The following CCDC171 variants were observed in gnomAD, a reference collection of about 807,000 sequenced individuals.
The protein encoded by CCDC171 is coiled-coil domain-containing protein 171.
Under a neutral mutation model 168.2 loss-of-function variants are expected in CCDC171, and 177 were observed. That is an observed-to-expected ratio of 1.05 (90% CI 0.93 to 1.19). The LOEUF (loss-of-function observed/expected upper bound fraction) is 1.19. Ranked by LOEUF, CCDC171 falls within the 50% of genes most tolerant of loss-of-function variation. CCDC171 has a pLI of 0.00. For synonymous variants in CCDC171, 687 were observed against 540.8 expected (o/e 1.27, Z -3.75); for missense variants, 1,991 against 1,539.0 (o/e 1.29, Z -4.91).
chr9:15,784,778 G>A (rs1588476296), intron 21 of CCDC171, 84 bp downstream of exon 21: 2 of 992,156 alleles, frequency 2.0e-6, no homozygotes, highest in East Asian at 5.2e-5. Context: ...CTCCTGAATA[G>A]GAATAGATCC....
the CCDC171 span, among the ~76,000 whole-genome samples, chr9:16,101,668 A>C: frequency 4.6e-5 from 7 of 152,254 alleles, no homozygotes; most frequent in African/African-American, 1.7e-4. Context: ...CCTTTGAAGC[A>C]GTAGAAAATT....
At chr9:15,918,242 A>G (rs1325619601) in intron 24 of CCDC171, among the ~76,000 whole-genome samples, 1 of 151,584 alleles carries the variant, frequency 6.6e-6, no homozygotes, top group Non-Finnish European at 1.5e-5. Flanking sequence ...AATATGCTAC[A>G]TGGTCCCTGC....
intron 12 of CCDC171, among the ~76,000 whole-genome samples, chr9:15,722,479 A>G (rs2053546613): frequency 6.6e-6 from 1 of 152,326 alleles, no homozygotes; most frequent in Non-Finnish European, 1.5e-5. Context: ...TTTCTTGGGT[A>G]TTAAAATGTT....
At chr9:15,904,611 A>C (rs1204736681) in intron 24 of CCDC171, among the ~76,000 whole-genome samples, 2 of 152,198 alleles carry the variant, frequency 1.3e-5, no homozygotes, top group African/African-American at 4.8e-5. Context: ...AAACTGCATC[A>C]ACTAACGAGC....
chr9:15,940,382 T>A (rs3008677), intron 25 of CCDC171, among the ~76,000 whole-genome samples: 151,587 of 151,830 alleles, frequency 1, 75,673 homozygotes, highest in Non-Finnish European at 1. Context: ...AAGGGAATTT[T>A]CCAGGAAATT....
At chr9:16,020,189 A>G (rs1056294708) in intron 3 of CCDC171, among the ~76,000 whole-genome samples, 5 of 152,218 alleles carry the variant, frequency 3.3e-5, no homozygotes, top group Admixed American at 3.3e-4. Flanking sequence ...ATTTTGTTTC[A>G]TGCACAAAAT....
At chr9:16,096,585 C>T in the CCDC171 span, among the ~76,000 whole-genome samples, 6 of 152,108 alleles carry the variant, frequency 3.9e-5, no homozygotes, top group Admixed American at 6.5e-5. Context: ...CTTTGTCCAG[C>T]GGAAGCCCTA....
rs190150479 is a variant in CCDC171, at chr9:15,746,328, C to A, written c.2671+697C>A. Among the ~76,000 whole-genome samples the A allele has an allele frequency of 1.3e-4, 20 of 152,240 alleles. No homozygotes were observed. In the East Asian group the frequency reaches 3.5e-3, roughly 26 times the overall value. ...TGTAATGATAATTTGGGATTTAATT[C>A]TTAGACAATTCCACTGTGCAAATAT... On this transcript the variant is annotated intron_variant, in intron 18 of 25. Transcript: ENST00000380701.
chr9:15,826,676 A>G (rs1359910751), intron 21 of CCDC171, among the ~76,000 whole-genome samples: 1 of 152,184 alleles, frequency 6.6e-6, no homozygotes, highest in African/African-American at 2.4e-5. Flanking sequence ...CATCTCATGC[A>G]ACAAGCTAGC....
At chr9:16,045,805 C>T (rs1393015647) in intron 1 of CCDC171, among the ~76,000 whole-genome samples, 1 of 152,362 alleles carries the variant, frequency 6.6e-6, no homozygotes, top group East Asian at 1.9e-4. Flanking sequence ...TTTTCTAACT[C>T]TGCAAGCTCC....
chr9:15,665,847 A>G (rs896735019), intron 8 of CCDC171, among the ~76,000 whole-genome samples: 2 of 152,216 alleles, frequency 1.3e-5, no homozygotes, highest in Non-Finnish European at 1.5e-5. Context: ...TTAGTAGGTA[A>G]AAATTTGAAA....
chr9:15,653,176 C>G (rs2047660408), intron 7 of CCDC171, among the ~76,000 whole-genome samples: 1 of 151,946 alleles, frequency 6.6e-6, no homozygotes. Flanking sequence ...TCTCGTTCCT[C>G]TTGCCTAGGT....
At chr9:16,093,016 C>T in the CCDC171 span, among the ~76,000 whole-genome samples, 1 of 152,186 alleles carries the variant, frequency 6.6e-6, no homozygotes, top group Admixed American at 6.5e-5. Context: ...GACGAATGGC[C>T]TTGCTGACAA....
intron 6 of CCDC171, among the ~76,000 whole-genome samples, chr9:15,607,709 C>T (rs960075453): frequency 6.6e-6 from 1 of 152,100 alleles, no homozygotes; most frequent in East Asian, 1.9e-4. Flanking sequence ...GTGATCCACC[C>T]GCCTTGGCCT....
chr9:15,810,985 A>C (rs917172294), intron 21 of CCDC171, among the ~76,000 whole-genome samples: 2 of 152,236 alleles, frequency 1.3e-5, no homozygotes, highest in Non-Finnish European at 2.9e-5. Context: ...AGTGCTCACT[A>C]GTTTCATGTG....
At chr9:15,950,782 T>A (rs1458263585) in intron 25 of CCDC171, among the ~76,000 whole-genome samples, 1 of 151,314 alleles carries the variant, frequency 6.6e-6, no homozygotes, top group Non-Finnish European at 1.5e-5. Context: ...AATATTAACC[T>A]TAAATGTAAA....
chr9:15,926,531 C>A (rs541239038), intron 25 of CCDC171, among the ~76,000 whole-genome samples: 1 of 151,546 alleles, frequency 6.6e-6, no homozygotes, highest in South Asian at 2.1e-4. Flanking sequence ...TTTATTTTGG[C>A]TACTCTCAAA....
intron 9 of CCDC171, among the ~76,000 whole-genome samples, chr9:15,674,403 CT>C (rs1379820701): frequency 2.6e-5 from 4 of 152,144 alleles, no homozygotes; most frequent in Admixed American, 6.6e-5. Flanking sequence ...CTTCTGCTAG[CT>C]TTTGAATTTG....
At chr9:15,626,468 A>T (rs182238549) in intron 7 of CCDC171, among the ~76,000 whole-genome samples, 13 of 152,144 alleles carry the variant, frequency 8.5e-5, no homozygotes, top group African/African-American at 3.1e-4. Flanking sequence ...AAGAGCTCTT[A>T]TTGTTTTGAT....
Sources: gnomAD v4.1 joint callset for allele counts (sites outside exome capture counted in the v4.1 genomes callset) on GRCh38, gnomAD v4.1.1 for gene constraint, MANE v1.5 for transcripts, NCBI Gene and HGNC (gene_info 2026-07-23, HGNC 2026-07-21) for gene names.